The following CDKL1 variants were observed in gnomAD, a reference collection of about 807,000 sequenced individuals.
The protein encoded by CDKL1 is cyclin-dependent kinase-like 1.
Under a neutral mutation model 42.0 loss-of-function variants are expected in CDKL1, and 41 were observed. That is an observed-to-expected ratio of 0.98 (90% CI 0.76 to 1.27). CDKL1 has a LOEUF of 1.27. CDKL1 is among the 50% of genes most tolerant of loss of function. The pLI is 0.00. For missense variants in CDKL1, 394 were observed against 428.4 expected (o/e 0.92, Z 0.71); for synonymous variants, 153 against 158.6 (o/e 0.96, Z 0.26).
rs2032808395 is a variant in CDKL1, at chr14:50,329,027, T to TTAGAATAG, written c.*1039_*1046dup. 1 of 130,686 alleles carries TTAGAATAG rather than the reference T, an allele frequency of 7.7e-6. No homozygotes were observed. Among genetic ancestry groups the TTAGAATAG allele is most frequent in the South Asian group, 2.4e-4 (1 of 4,252 alleles). The allele number at this position is 130,686 out of a possible 1,614,324, so 8.1% of individuals were successfully genotyped here. A position where few individuals can be genotyped will look rare whatever the true frequency, so the allele number is the denominator to read the frequency against. ...ACTACTTAGTGTAATATATTAGTTG[T>TTAGAATAG]TAGAATAGCATATATATATATATAT... On this transcript the variant is annotated 3_prime_UTR_variant, in exon 10 of 10. Transcript: ENST00000395834.
chr14:50,388,780 T>C (rs1448153469), intron 2 of CDKL1, among the ~76,000 whole-genome samples: 1 of 152,114 alleles, frequency 6.6e-6, no homozygotes, highest in Non-Finnish European at 1.5e-5. Flanking sequence ...CCAAGGTCAC[T>C]CCACAGCTTC....
intron 2 of CDKL1, among the ~76,000 whole-genome samples, chr14:50,359,797 T>A (rs1263041843): frequency 1.4e-4 from 17 of 120,890 alleles, no homozygotes; most frequent in African/African-American, 2.8e-4. Context: ...GTGTCTAGAT[T>A]AAAAAAAAAA....
chr14:50,394,413 A>G (rs764435031), intron 2 of CDKL1, among the ~76,000 whole-genome samples: 3 of 152,248 alleles, frequency 2.0e-5, no homozygotes, highest in Non-Finnish European at 4.4e-5. Context: ...ACCTAAATAG[A>G]GAAGTTGCCC....
intron 2 of CDKL1, among the ~76,000 whole-genome samples, chr14:50,378,698 T>G (rs955118295): frequency 1.8e-4 from 27 of 152,168 alleles, no homozygotes; most frequent in African/African-American, 6.3e-4. Context: ...CATGGCTGGA[T>G]AATTAAAAAA....
chr14:50,367,933 T>A (rs1338364729), intron 2 of CDKL1, among the ~76,000 whole-genome samples: 1 of 152,224 alleles, frequency 6.6e-6, no homozygotes, highest in African/African-American at 2.4e-5. Flanking sequence ...ATTTTCTCTT[T>A]GTGTTTTTTA....
chr14:50,358,328 C>T (rs1365404451), intron 3 of CDKL1, among the ~76,000 whole-genome samples: 1 of 152,162 alleles, frequency 6.6e-6, no homozygotes, highest in African/African-American at 2.4e-5. Flanking sequence ...AGTGAAATAC[C>T]ATGTTTGTTT....
intron 2 of CDKL1, among the ~76,000 whole-genome samples, chr14:50,387,033 A>AAAAAAAGG (rs1555345092): frequency 6.9e-6 from 1 of 144,272 alleles, no homozygotes; most frequent in Non-Finnish European, 1.5e-5. Context: ...TCTCAAAAAG[A>AAAAAAAGG]AAAAAAAAAA....
intron 2 of CDKL1, among the ~76,000 whole-genome samples, chr14:50,361,994 A>ATGGGCTTG (rs1024740623): frequency 6.6e-5 from 10 of 152,310 alleles, no homozygotes; most frequent in Admixed American, 5.2e-4. Context: ...CCGGGTGGGC[A>ATGGGCTTG]TGGGCTTGGG....
At chr14:50,332,899 G>C in intron 8 of CDKL1, 2 of 346,978 alleles carry the variant, frequency 5.8e-6, no homozygotes, top group Non-Finnish European at 9.9e-6. Flanking sequence ...TCTAAAATCA[G>C]CTACTTTTTT....
chr14:50,372,844 G>C (rs1478668667), intron 2 of CDKL1, among the ~76,000 whole-genome samples: 1 of 151,506 alleles, frequency 6.6e-6, no homozygotes, highest in African/African-American at 2.4e-5. Context: ...GACCATTCAG[G>C]TGTGGGTTCA....
intron 1 of CDKL1, 194 bp downstream of exon 1, chr14:50,396,630 A>C (rs1370858790): frequency 9.0e-6 from 2 of 221,772 alleles, no homozygotes; most frequent in Non-Finnish European, 1.5e-5. Context: ...GCAAGAAGAC[A>C]CCTCCCGGCT....
chr14:50,326,500 G>A lies in CDKL1; in HGVS notation c.*3574C>T, dbSNP rs941357376. ...TGCAAAGTGGTCAGTGGTTGTTGAAGCATGCATTGCTTCAACAGGATTTGC... is the reference window on the plus strand; with the variant it reads ...TGCAAAGTGGTCAGTGGTTGTTGAAACATGCATTGCTTCAACAGGATTTGC... On this transcript the variant is annotated 3_prime_UTR_variant, in exon 10 of 10. Transcript: ENST00000395834. The A allele has an allele frequency of 2.0e-6, 2 of 985,274 alleles. No homozygotes were observed. Among genetic ancestry groups the A allele is most frequent in the African/African-American group, 3.5e-5 (2 of 57,226 alleles). The allele number at this position is 985,274 out of a possible 1,614,324, so 61.0% of individuals were successfully genotyped here.
chr14:50,331,963 A>G (rs1333886855), intron 9 of CDKL1: 15 of 1,409,170 alleles, frequency 1.1e-5, no homozygotes, highest in East Asian at 7.5e-5. Context: ...CCAAAGCCCA[A>G]AAAGTCTCCT....
At chr14:50,330,512 C>T in intron 9 of CDKL1, 1 of 249,664 alleles carries the variant, frequency 4.0e-6, no homozygotes, top group South Asian at 4.9e-5. Context: ...TAAGCCAATG[C>T]CTTGTCTTAT....
chr14:50,393,343 G>A (rs1399506294), intron 2 of CDKL1, among the ~76,000 whole-genome samples: 2 of 152,220 alleles, frequency 1.3e-5, no homozygotes, highest in Non-Finnish European at 2.9e-5. Flanking sequence ...CTGAAAGACA[G>A]GGTGTACAAC....
chr14:50,362,834 G>A (rs1036748424), intron 2 of CDKL1: 9 of 327,406 alleles, frequency 2.7e-5, no homozygotes, highest in African/African-American at 1.9e-4. Flanking sequence ...CAGGATGTGG[G>A]TAGGGCCAGA....
At chr14:50,361,359 C>T (rs8016959) in intron 2 of CDKL1, among the ~76,000 whole-genome samples, 98,604 of 152,126 alleles carry the variant, frequency 0.65, 32,105 homozygotes, top group Non-Finnish European at 0.67. Flanking sequence ...ACTTGATGAA[C>T]AAGTATAAAA....
chr14:50,378,458 T>C lies in CDKL1; in HGVS notation c.168+17243A>G, dbSNP rs1486072932. 3 of 1,364,708 alleles carry C rather than the reference T, an allele frequency of 2.2e-6. No homozygotes were observed. In the South Asian group the frequency reaches 3.4e-5, roughly 16 times the overall value. 84.5% of individuals were successfully genotyped at this position (1,364,708 alleles called of 1,614,324 possible). On this transcript the variant is annotated intron_variant, in intron 2 of 9. Coordinates refer to ENST00000395834, the MANE Select transcript of CDKL1 (RefSeq NM_004196.7). Reference sequence around the variant, plus strand: ...CTGGAAAAGGGGAAATTCATTAATATGAGAGCACTACACTGTCGCATAACT... The same window carrying C: ...CTGGAAAAGGGGAAATTCATTAATACGAGAGCACTACACTGTCGCATAACT...
intron 2 of CDKL1, among the ~76,000 whole-genome samples, chr14:50,365,535 A>G (rs1185237468): frequency 6.6e-6 from 1 of 152,216 alleles, no homozygotes; most frequent in Admixed American, 6.5e-5. Flanking sequence ...AGGTGACCCG[A>G]AAATACTCCA....
Sources: allele counts gnomAD v4.1 joint callset (sites outside exome capture counted in the v4.1 genomes callset), GRCh38; gene constraint gnomAD v4.1.1; transcripts MANE v1.5; gene names NCBI Gene and HGNC (gene_info 2026-07-23, HGNC 2026-07-21).